The following NREP variants were observed in gnomAD, a reference collection of about 807,000 sequenced individuals.
NREP encodes neuronal regeneration-related protein.
A neutral mutation model predicts 8.6 loss-of-function variants in NREP; 5 were observed. The observed-to-expected ratio is 0.58, with a 90% CI of 0.30 to 1.22. The LOEUF (loss-of-function observed/expected upper bound fraction) is 1.22, where lower values mean the gene tolerates loss of function less well. NREP is among the 50% of genes most tolerant of loss of function. The pLI, the probability that NREP is intolerant of heterozygous loss-of-function variation, is 0.07. For synonymous variants in NREP, 27 were observed against 28.0 expected, an observed-to-expected ratio of 0.96 and a Z score of 0.11; for missense variants, 86 against 82.5, an observed-to-expected ratio of 1.04 and a Z score of -0.17.
At chr5:111,851,110 T>A (rs1015630688) in intron 2 of NREP, among the ~76,000 whole-genome samples, 1 of 152,178 alleles carries the variant, frequency 6.6e-6, no homozygotes, top group Non-Finnish European at 1.5e-5. Context: ...GTCTAAGATA[T>A]AGTTTCTTCT....
At chr5:111,975,123 G>C (rs1465983336) in intron 2 of NREP, 18 of 624,886 alleles carry the variant, frequency 2.9e-5, no homozygotes, top group Middle Eastern at 2.5e-4. Context: ...TTAGGAAATA[G>C]GCTGAAAAGC....
rs369837871 is a variant in NREP at position 111,768,796 on chromosome 5, T to C, written c.136-33289A>G. Among the ~76,000 whole-genome samples, 3 of 152,344 alleles carry C rather than the reference T, an allele frequency of 2.0e-5. No individual in the cohort carries two copies. In the East Asian group the frequency reaches 5.8e-4, roughly 29 times the overall value. The stretch of plus-strand genomic sequence containing the variant: ...CACGTAGGTTGAGTCCACGTCTTTC[T>C]ACTGTGAATGGTGCTGCAATTAACA... On this transcript the variant is annotated intron_variant, in intron 2 of 3. Transcript: ENST00000395634.
intron 2 of NREP, among the ~76,000 whole-genome samples, chr5:111,818,817 T>C (rs1275106034): frequency 2.6e-5 from 4 of 152,206 alleles, no homozygotes; most frequent in Admixed American, 2.6e-4. Flanking sequence ...GTACAGATTT[T>C]ACAGGTTAAA....
intron 2 of NREP, among the ~76,000 whole-genome samples, chr5:111,897,459 C>G (rs1336779899): frequency 1.3e-5 from 2 of 152,112 alleles, no homozygotes; most frequent in Non-Finnish European, 2.9e-5. Flanking sequence ...AGGCATATTT[C>G]CTATGCTCCC....
chr5:111,884,744 T>C (rs1376814605), intron 2 of NREP, among the ~76,000 whole-genome samples: 4 of 152,146 alleles, frequency 2.6e-5, no homozygotes, highest in Non-Finnish European at 5.9e-5. Context: ...TCTCAATAGA[T>C]GCAGAAAAGG....
At chr5:111,810,765 A>G (rs1752251416) in intron 2 of NREP, among the ~76,000 whole-genome samples, 1 of 152,222 alleles carries the variant, frequency 6.6e-6, no homozygotes, top group South Asian at 2.1e-4. Flanking sequence ...TGGTTTCCCT[A>G]TTAAGTTTCA....
chr5:111,872,522 C>CTT (rs1269913458), intron 2 of NREP, among the ~76,000 whole-genome samples: 4 of 152,130 alleles, frequency 2.6e-5, no homozygotes, highest in Non-Finnish European at 4.4e-5. Flanking sequence ...CAAGCTTGAT[C>CTT]TTTAGGAAGT....
intron 2 of NREP, among the ~76,000 whole-genome samples, chr5:111,884,930 T>C (rs966126008): frequency 1.3e-5 from 2 of 152,164 alleles, no homozygotes; most frequent in Non-Finnish European, 2.9e-5. Context: ...AGGGATGCCC[T>C]CCCTTGCCAC....
chr5:111,838,113 AAAC>A (rs1197590899), intron 2 of NREP, among the ~76,000 whole-genome samples: 3 of 152,154 alleles, frequency 2.0e-5, no homozygotes, highest in Non-Finnish European at 4.4e-5. Flanking sequence ...TAAAATGAAA[AAAC>A]AAAATTAATA....
At chr5:111,950,598 A>G (rs1581244949) in intron 2 of NREP, among the ~76,000 whole-genome samples, 2 of 152,060 alleles carry the variant, frequency 1.3e-5, no homozygotes. Flanking sequence ...CTATCATCAG[A>G]GTGAACAGGC....
At chr5:111,833,736 A>T (rs1334259216) in intron 2 of NREP, among the ~76,000 whole-genome samples, 1 of 152,194 alleles carries the variant, frequency 6.6e-6, no homozygotes, top group East Asian at 1.9e-4. Context: ...AGTAAGATTG[A>T]TCAGCGTGGC....
chr5:111,738,254 G>GAA (rs926032717), intron 2 of NREP: 3 of 152,170 alleles, frequency 2.0e-5, no homozygotes, highest in Non-Finnish European at 4.4e-5. Context: ...GAGCTTAAGA[G>GAA]AAAAGATCTA....
chr5:111,925,330 G>A (rs1413730227), intron 2 of NREP, among the ~76,000 whole-genome samples: 3 of 152,210 alleles, frequency 2.0e-5, no homozygotes, highest in Middle Eastern at 3.4e-3. Context: ...GGACAGGGTC[G>A]AGGTGGCTTC....
intron 2 of NREP, among the ~76,000 whole-genome samples, chr5:111,933,598 C>T (rs1340243110): frequency 6.6e-6 from 1 of 152,044 alleles, no homozygotes; most frequent in Non-Finnish European, 1.5e-5. Flanking sequence ...CATTTCTTCT[C>T]ACTCAGACCC....
At chr5:111,811,525 T>C (rs1294737342) in intron 2 of NREP, among the ~76,000 whole-genome samples, 1 of 152,142 alleles carries the variant, frequency 6.6e-6, no homozygotes, top group Non-Finnish European at 1.5e-5. Flanking sequence ...TCCTGCAAGG[T>C]ACCTAAGTTT....
At chr5:111,870,358 A>G (rs978434292) in intron 2 of NREP, among the ~76,000 whole-genome samples, 1 of 152,170 alleles carries the variant, frequency 6.6e-6, no homozygotes, top group African/African-American at 2.4e-5. Context: ...GAGCCCTGAG[A>G]GACAGAGATT....
rs900122360 is a variant in NREP, at chr5:111,777,368, G to C, written c.136-41861C>G. On this transcript the variant is annotated intron_variant, in intron 2 of 3. Transcript: ENST00000395634. Reference sequence around the variant, plus strand: ...GGTGTGTGTGTGAGTGTGTGTGTGTGTGTGTGTGTTTTAAGTACGTATTTA... The same window carrying C: ...GGTGTGTGTGTGAGTGTGTGTGTGTCTGTGTGTGTTTTAAGTACGTATTTA... 4.7e-4 allele frequency among the ~76,000 whole-genome samples: 71 copies of C among 152,004 alleles called. 1 individual carries two copies. The highest frequency in any genetic ancestry group is 1.7e-3 in the African/African-American group (69 of 41,468).
intron 2 of NREP, among the ~76,000 whole-genome samples, chr5:111,831,349 A>G (rs1372631734): frequency 6.6e-6 from 1 of 151,786 alleles, no homozygotes; most frequent in Non-Finnish European, 1.5e-5. Context: ...CCATCAGCCA[A>G]CTCAGGTCAT....
chr5:111,816,830 G>T (rs1752395178), intron 2 of NREP, among the ~76,000 whole-genome samples: 1 of 151,284 alleles, frequency 6.6e-6, no homozygotes, highest in South Asian at 2.1e-4. Context: ...TTCTAACACT[G>T]CAGACTATAT....
Sources: allele counts gnomAD v4.1 joint callset (sites outside exome capture counted in the v4.1 genomes callset), GRCh38; gene constraint gnomAD v4.1.1; transcripts MANE v1.5; gene names NCBI Gene and HGNC (gene_info 2026-07-23, HGNC 2026-07-21).